Variants in POU2F1 observed in about 807,000 individuals in gnomAD.
The protein encoded by POU2F1 is POU domain, class 2, transcription factor 1.
Under a neutral mutation model 84.9 loss-of-function variants are expected in POU2F1, and 16 were observed. That is an observed-to-expected ratio of 0.19 (90% confidence interval 0.13 to 0.29). The LOEUF (loss-of-function observed/expected upper bound fraction) is 0.29. POU2F1 is among the 10% of genes least tolerant of loss of function. The probability of loss-of-function intolerance (pLI) is 1.00; values close to 1 mark genes in which losing one functional copy is unlikely to be tolerated. For synonymous variants in POU2F1, 368 were observed against 368.3 expected, an observed-to-expected ratio of 1.00 and a Z score of 0.01; for missense variants, 738 against 942.6, an observed-to-expected ratio of 0.78 and a Z score of 2.84.
At position 167,372,033 on chromosome 1, in the gene POU2F1, T is replaced by C. The variant is rs1292713465; in HGVS notation, c.399T>C (p.Thr133=). ...TQLMLAGGQI[T]GLTLTPAQQQ... ...TTATGCTAGCTGGAGGACAGATAACTGGGGTAAGTGTTCACTGAGAGAATT... is the reference window on the plus strand; with the variant it reads ...TTATGCTAGCTGGAGGACAGATAACCGGGGTAAGTGTTCACTGAGAGAATT... Residue 133 remains threonine (T), a synonymous_variant, in exon 5 of 16, where the codon ACT becomes ACC. Coordinates refer to ENST00000367866, the MANE Select transcript of POU2F1 (RefSeq NM_002697.4). 6.2e-7 allele frequency: 1 copy of C among 1,610,140 alleles called. No homozygotes were observed. The highest frequency in any genetic ancestry group is 8.5e-7 in the Non-Finnish European group (1 of 1,178,542).
At chr1:167,280,283 T>C (rs938639482) in intron 1 of POU2F1, among the ~76,000 whole-genome samples, 1 of 151,874 alleles carries the variant, frequency 6.6e-6, no homozygotes, top group African/African-American at 2.4e-5. Context: ...GGACATGATA[T>C]GTAGCAAATA....
intron 13 of POU2F1, among the ~76,000 whole-genome samples, chr1:167,404,231 T>C (rs1314677330): frequency 1.3e-5 from 2 of 152,134 alleles, no homozygotes; most frequent in Non-Finnish European, 2.9e-5. Context: ...TTTATTCATT[T>C]TGTGTCATTT....
intron 8 of POU2F1, among the ~76,000 whole-genome samples, chr1:167,387,413 G>T (rs947836804): frequency 2.6e-5 from 4 of 152,160 alleles, no homozygotes; most frequent in African/African-American, 7.2e-5. Context: ...GCTCGTTTTG[G>T]CTCCTCCAAA....
intron 2 of POU2F1, among the ~76,000 whole-genome samples, chr1:167,359,103 A>G (rs1204842067): frequency 6.6e-6 from 1 of 151,122 alleles, no homozygotes; most frequent in Non-Finnish European, 1.5e-5. Context: ...TCTTATCCTT[A>G]TCTTCTCTGT....
At chr1:167,414,660 C>G (rs1650187227) in intron 15 of POU2F1, 1 of 985,152 alleles carries the variant, frequency 1.0e-6, no homozygotes, top group Non-Finnish European at 1.2e-6. Context: ...AAATTTCTCA[C>G]CCATTAAAGC....
chr1:167,273,594 C>G (rs954885968), intron 1 of POU2F1, among the ~76,000 whole-genome samples: 1 of 152,256 alleles, frequency 6.6e-6, no homozygotes, highest in Non-Finnish European at 1.5e-5. Context: ...GAGCAGCAGC[C>G]TGAGACGTAT....
intron 1 of POU2F1, among the ~76,000 whole-genome samples, chr1:167,250,988 G>A (rs1238602726): frequency 2.6e-5 from 4 of 152,150 alleles, no homozygotes; most frequent in Non-Finnish European, 5.9e-5. Context: ...TGTTCCTCAA[G>A]AGAACAGTAA....
intron 1 of POU2F1, among the ~76,000 whole-genome samples, chr1:167,247,091 A>G (rs987880776): frequency 6.7e-6 from 1 of 150,322 alleles, no homozygotes; most frequent in South Asian, 2.1e-4. Context: ...TTTTTTCCTT[A>G]AAGAAACAGG....
chr1:167,368,459 CTGGTA>C (rs1445158802), intron 3 of POU2F1, among the ~76,000 whole-genome samples: 1 of 151,904 alleles, frequency 6.6e-6, no homozygotes, highest in East Asian at 1.9e-4. Flanking sequence ...TTTTTGCCTC[CTGGTA>C]AGTAATACTC....
chr1:167,415,857 G>T lies in POU2F1; in HGVS notation c.*47G>T, dbSNP rs754458248. The stretch of plus-strand genomic sequence containing the variant: ...AGAAGCCTTTTTCACTCTGCAGTGT[G>T]ATTGGACTGCCAGCCAGGTTAATAA... On this transcript the variant is annotated 3_prime_UTR_variant, in exon 16 of 16. Transcript: ENST00000367866. The T allele has an allele frequency of 2.1e-6, 3 of 1,435,704 alleles. No individual in the cohort carries two copies. Among genetic ancestry groups the T allele is most frequent in the Non-Finnish European group, 9.3e-7 (1 of 1,070,144 alleles). The allele number at this position is 1,435,704 out of a possible 1,614,324, so 88.9% of individuals were successfully genotyped here. A position where few individuals can be genotyped will look rare whatever the true frequency, so the allele number is the denominator to read the frequency against.
intron 4 of POU2F1, 59 bp downstream of exon 4, chr1:167,370,273 T>G: frequency 1.4e-6 from 2 of 1,397,860 alleles, no homozygotes; most frequent in Middle Eastern, 1.9e-4. Context: ...TATATTTTTC[T>G]GTAGTGAGCA....
intron 13 of POU2F1, among the ~76,000 whole-genome samples, chr1:167,405,649 C>T (rs1447917298): frequency 2.0e-5 from 3 of 152,084 alleles, no homozygotes; most frequent in Non-Finnish European, 2.9e-5. Context: ...GATTGTACCA[C>T]TGAACTCCAG....
chr1:167,397,473 C>T (rs1040020232), intron 10 of POU2F1, among the ~76,000 whole-genome samples: 2 of 152,110 alleles, frequency 1.3e-5, no homozygotes, highest in Admixed American at 1.3e-4. Context: ...ATATTGTCAA[C>T]CATCCTAGCA....
chr1:167,339,939 C>T (rs1657721153), intron 2 of POU2F1, among the ~76,000 whole-genome samples: 1 of 152,164 alleles, frequency 6.6e-6, no homozygotes, highest in Non-Finnish European at 1.5e-5. Context: ...TAGATTATCT[C>T]ATTTAATCCT....
chr1:167,345,091 A>G (rs902537277), intron 2 of POU2F1, among the ~76,000 whole-genome samples: 2 of 152,314 alleles, frequency 1.3e-5, no homozygotes, highest in Non-Finnish European at 2.9e-5. Context: ...GGACGGGTCA[A>G]TAGGTGCAGC....
intron 2 of POU2F1, among the ~76,000 whole-genome samples, chr1:167,354,188 T>G (rs1172532286): frequency 6.6e-6 from 1 of 152,266 alleles, no homozygotes; most frequent in Non-Finnish European, 1.5e-5. Context: ...ACATTTGGGT[T>G]ATTTCTAGGC....
At chr1:167,295,630 A>G (rs957233309) in intron 1 of POU2F1, among the ~76,000 whole-genome samples, 2 of 152,244 alleles carry the variant, frequency 1.3e-5, no homozygotes, top group South Asian at 2.1e-4. Flanking sequence ...TAATCCATCC[A>G]TGTAACCAAA....
intron 2 of POU2F1, among the ~76,000 whole-genome samples, chr1:167,333,138 A>G (rs971337146): frequency 1.3e-5 from 2 of 152,216 alleles, no homozygotes; most frequent in African/African-American, 2.4e-5. Flanking sequence ...TAAAAAAATT[A>G]TACTTCATTA....
At chr1:167,295,197 GA>G (rs1654211678) in intron 1 of POU2F1, among the ~76,000 whole-genome samples, 1 of 151,666 alleles carries the variant, frequency 6.6e-6, no homozygotes, top group Non-Finnish European at 1.5e-5. Context: ...CAGAGGAAAA[GA>G]AATCATTATA....
Sources: gnomAD v4.1 joint callset for allele counts (sites outside exome capture counted in the v4.1 genomes callset) on GRCh38, gnomAD v4.1.1 for gene constraint, MANE v1.5 for transcripts, NCBI Gene and HGNC (gene_info 2026-07-23, HGNC 2026-07-21) for gene names.